COG3: variants seen among roughly 807,000 people sequenced by gnomAD.
COG3 encodes the protein conserved oligomeric Golgi complex subunit 3.
In COG3, 32 loss-of-function variants were observed where a neutral mutation model predicts 114.1. The ratio of observed to expected loss-of-function variants is 0.28; its 90% CI spans 0.21 to 0.38. The LOEUF is 0.38. Ranked by LOEUF, COG3 falls within the 10% of genes least tolerant of loss-of-function variation. The pLI is 1.00. For missense variants in COG3, 813 were observed against 973.2 expected (o/e 0.84, Z 2.19); for synonymous variants, 352 against 365.7 (o/e 0.96, Z 0.43).
At chr13:45,476,725 A>G (rs1177971202) in intron 2 of COG3, among the ~76,000 whole-genome samples, 1 of 151,876 alleles carries the variant, frequency 6.6e-6, no homozygotes, top group Non-Finnish European at 1.5e-5. Flanking sequence ...AAACCCAAAT[A>G]TTCTTTTTAT....
chr13:45,518,977 A>G lies in COG3; in HGVS notation c.2037A>G (p.Arg679=). The change falls in exon 19 of 23, where the codon AGA becomes AGG. Residue 679 remains arginine, a synonymous_variant. Coordinates refer to ENST00000349995, the MANE Select transcript of COG3 (RefSeq NM_031431.4). The part of the protein sequence containing the change: ...EFLLEGTPEI[R]EHYLDSKKDV... ...TTTTTAAGGGTACTCCTGAGATAAG[A>G]GAACATTATCTTGACTCTAAAAAAG... 6 of 1,614,102 alleles carry G rather than the reference A, an allele frequency of 3.7e-6. No individual in the cohort carries two copies. The East Asian group carries it at 1.1e-4, about 30-fold the overall frequency.
intron 14 of COG3, among the ~76,000 whole-genome samples, chr13:45,506,220 A>G (rs1280901277): frequency 2.0e-5 from 3 of 152,290 alleles, no homozygotes; most frequent in Admixed American, 6.5e-5. Context: ...GTGTAAGATC[A>G]TCCTAGGACA....
chr13:45,469,823 TTA>T (rs1202546309), intron 1 of COG3, among the ~76,000 whole-genome samples: 7 of 152,282 alleles, frequency 4.6e-5, no homozygotes, highest in Non-Finnish European at 8.8e-5. Context: ...TTAAAAACAA[TTA>T]TATTCATATA....
chr13:45,465,523 C>A, intron 1 of COG3: 1 of 275,646 alleles, frequency 3.6e-6, no homozygotes. Flanking sequence ...TTGCCCCAGA[C>A]GAGGCGTCCT....
chr13:45,471,881 C>T (rs189809772), intron 1 of COG3, among the ~76,000 whole-genome samples: 3,183 of 152,034 alleles, frequency 0.021, 113 homozygotes, highest in African/African-American at 0.072. Flanking sequence ...TACAGGCGCC[C>T]GCCACTACGC....
intron 20 of COG3, 75 bp from the exon 21 acceptor site, chr13:45,529,716 A>T: frequency 8.9e-7 from 1 of 1,127,800 alleles, no homozygotes; most frequent in Non-Finnish European, 1.2e-6. Flanking sequence ...TTCTCCCTTT[A>T]TTCCCCTTTG....
chr13:45,515,677 A>G (rs1191594856), intron 16 of COG3, among the ~76,000 whole-genome samples: 2 of 152,202 alleles, frequency 1.3e-5, no homozygotes, highest in Non-Finnish European at 2.9e-5. Context: ...ATTTGTATAA[A>G]TATAAGTATG....
rs771555500 is a variant in COG3, at chr13:45,491,394, T to A, written c.969-18T>A. Reference sequence around the variant, plus strand: ...CATATCTGAAATGAAAAGTTTAATCTCATTTGCTTTCTGTCAGATACCAAC... The same window carrying A: ...CATATCTGAAATGAAAAGTTTAATCACATTTGCTTTCTGTCAGATACCAAC... On this transcript the variant is annotated intron_variant, in intron 9 of 22. Transcript: ENST00000349995. The A allele has an allele frequency of 2.5e-6, 4 of 1,593,544 alleles. No individual in the cohort carries two copies. The South Asian group carries it at 4.6e-5, about 18-fold the overall frequency.
At chr13:45,502,796 A>C (rs1465517116) in intron 13 of COG3, among the ~76,000 whole-genome samples, 3 of 152,072 alleles carry the variant, frequency 2.0e-5, no homozygotes, top group African/African-American at 7.2e-5. Flanking sequence ...TTTGCCCCGG[A>C]ATTCCCAAAG....
At chr13:45,513,066 C>T (rs1871050893) in intron 16 of COG3, among the ~76,000 whole-genome samples, 1 of 151,304 alleles carries the variant, frequency 6.6e-6, no homozygotes, top group East Asian at 1.9e-4. Flanking sequence ...TACCTGTCAC[C>T]TATAGGGAAG....
At position 45,524,989 on chromosome 13, in the gene COG3, A is replaced by T; in HGVS notation, c.2168A>T (p.Lys723Ile). The T allele has an allele frequency of 6.2e-7, 1 of 1,613,824 alleles. No homozygotes were observed. Among genetic ancestry groups the T allele is most frequent in the Non-Finnish European group, 8.5e-7 (1 of 1,179,804 alleles). The change falls in exon 20 of 23, where the codon AAA becomes ATA. Residue 723 changes from lysine (K) to isoleucine (I), a missense_variant. Lys to Ile is a moderately radical substitution (Grantham distance 102). Coordinates refer to ENST00000349995, the MANE Select transcript of COG3 (RefSeq NM_031431.4). The part of the protein sequence containing the change: ...EEFMTKVSAL[K>I]TMASQGGPKY... ...CTCCTCTATTAGGTTTCAGCGTTAA[A>T]AACAATGGCCAGTCAGGGAGGCCCC...
At chr13:45,511,083 C>A (rs569511750) in intron 15 of COG3, among the ~76,000 whole-genome samples, 1 of 152,010 alleles carries the variant, frequency 6.6e-6, no homozygotes, top group African/African-American at 2.4e-5. Flanking sequence ...GTCCAACCAC[C>A]ATGCCACACC....
intron 13 of COG3, among the ~76,000 whole-genome samples, chr13:45,497,876 T>A (rs1869015247): frequency 6.6e-6 from 1 of 152,152 alleles, no homozygotes; most frequent in Admixed American, 6.5e-5. Context: ...TCCTGAAGTT[T>A]AATAGATTCT....
rs11286727 is a variant in COG3 at position 45,529,465 on chromosome 13, CTT to C, written c.2231-315_2231-314del. 1.6e-4 allele frequency among the ~76,000 whole-genome samples: 23 copies of C among 146,698 alleles called. No homozygotes were observed. In the South Asian group the frequency reaches 4.1e-3, roughly 26 times the overall value. ...CTTACTAGTGTCTCTCTGAAAATGA[CTT>C]TTTTTTTTTTAACTTTAATCTCTTA... On this transcript the variant is annotated intron_variant, in intron 20 of 22. Transcript: ENST00000349995.
In COG3 at chr13:45,529,891, C is replaced by T. The variant is rs556337262; in HGVS notation, c.2331C>T (p.Thr777=). 144 of 1,611,284 alleles carry T rather than the reference C, an allele frequency of 8.9e-5. No homozygotes were observed. The highest frequency in any genetic ancestry group is 1.2e-4 in the Non-Finnish European group (136 of 1,179,066). ...SMSLYLSNKD[T]EFILFKPVRN... ...CCTTGTACCTATCCAATAAAGATAC[C>T]GAGTTCATCTTGTTTAAACCTGTGA... Residue 777 remains threonine (T), a synonymous_variant, in exon 21 of 23, where the codon ACC becomes ACT. Coordinates refer to ENST00000349995, the MANE Select transcript of COG3 (RefSeq NM_031431.4).
chr13:45,525,120 C>T, intron 20 of COG3, 69 bp downstream of exon 20: 2 of 1,271,788 alleles, frequency 1.6e-6, no homozygotes, highest in African/African-American at 1.5e-5. Flanking sequence ...ATAGTCCTTA[C>T]TGTGACAGCT....
intron 22 of COG3, among the ~76,000 whole-genome samples, chr13:45,531,518 T>C (rs1873164987): frequency 6.6e-6 from 1 of 151,778 alleles, no homozygotes; most frequent in Admixed American, 6.6e-5. Context: ...TTGTTTTGTT[T>C]TGTTTTGTTT....
chr13:45,516,811 C>T (rs916770387), intron 17 of COG3, among the ~76,000 whole-genome samples: 1 of 152,026 alleles, frequency 6.6e-6, no homozygotes, highest in Non-Finnish European at 1.5e-5. Context: ...GATACCTTCA[C>T]GAGGTTATCA....
chr13:45,511,638 A>G (rs1870876015), intron 15 of COG3, 127 bp from the exon 16 acceptor site: 1 of 664,872 alleles, frequency 1.5e-6, no homozygotes, highest in Non-Finnish European at 2.6e-6. Context: ...GAAGAATAAT[A>G]CAAGTAGTAA....
Sources: gnomAD v4.1 joint callset for allele counts (sites outside exome capture counted in the v4.1 genomes callset) on GRCh38, gnomAD v4.1.1 for gene constraint, MANE v1.5 for transcripts, NCBI Gene and HGNC (gene_info 2026-07-23, HGNC 2026-07-21) for gene names.